SRCIN1: variants seen among roughly 807,000 people sequenced by gnomAD.
The protein encoded by SRCIN1 is SRC kinase signaling inhibitor 1, also known as P130Cas-associated protein.
In SRCIN1, 50 loss-of-function variants were observed where a neutral mutation model predicts 116.2. The observed-to-expected ratio is 0.43, with a 90% CI of 0.34 to 0.54. The LOEUF is 0.54. SRCIN1 is among the 20% of genes least tolerant of loss of function. The pLI is 0.02. For synonymous variants in SRCIN1, 736 were observed against 750.0 expected (o/e 0.98, Z 0.30); for missense variants, 1,446 against 1,672.0 (o/e 0.86, Z 2.36).
At chr17:38,533,535 A>G in intron 18 of SRCIN1, 104 bp from the exon 19 acceptor site, 1 of 970,962 alleles carries the variant, frequency 1.0e-6, no homozygotes, top group East Asian at 3.1e-5. Context: ...AAATCCAAGG[A>G]AATTAACTGC....
intron 18 of SRCIN1, among the ~76,000 whole-genome samples, chr17:38,538,374 G>A (rs1177210369): frequency 2.1e-5 from 3 of 142,086 alleles, no homozygotes; most frequent in Non-Finnish European, 4.5e-5. Context: ...CCAAAGTTGC[G>A]CCACTGCACT....
Position 38,562,970 on chromosome 17 carries a change from CAAT to C in SRCIN1, c.741-53_741-51del, listed in dbSNP as rs1267271509. On this transcript the variant is annotated intron_variant, in intron 5 of 18. Transcript: ENST00000617146. This position sits in a 1 kb window ranked among gnomAD's most constrained non-coding sequence, Gnocchi z 4.2. The stretch of plus-strand genomic sequence containing the variant: ...TCACCACCCATCCCCCAGCTGTGCA[CAAT>C]GAGAAGGGATGGCTACTCCAGGCCT... 6.8e-7 allele frequency: 1 copy of C among 1,464,176 alleles called. No homozygotes were observed. The highest frequency in any genetic ancestry group is 9.5e-7 in the Non-Finnish European group (1 of 1,052,852). 90.7% of individuals were successfully genotyped at this position (1,464,176 alleles called of 1,614,324 possible). A position where few individuals can be genotyped will look rare whatever the true frequency, so the allele number is the denominator to read the frequency against.
At chr17:38,593,162 T>C (rs567425138) in intron 1 of SRCIN1, among the ~76,000 whole-genome samples, 82 of 152,132 alleles carry the variant, frequency 5.4e-4, no homozygotes, top group African/African-American at 1.9e-3. Context: ...GAGGCGGTTG[T>C]TGGGGAAGGG....
chr17:38,597,683 T>A (rs954077769), intron 1 of SRCIN1, among the ~76,000 whole-genome samples: 1 of 152,176 alleles, frequency 6.6e-6, no homozygotes, highest in African/African-American at 2.4e-5. Flanking sequence ...CTGTAGACCC[T>A]AAGCTCTTGA....
rs1291469037 is a variant in SRCIN1 at position 38,549,094 on chromosome 17, C to A, written c.3079G>T (p.Val1027Leu). ...HGLTTTRTGE[V>L]VVTSKKDSAF... ...GAGTCCTTCTTGCTGGTGACCACCA[C>A]CTCTCCGGTACGTGTGGTGGTCAGG... Residue 1027 changes from valine (V) to leucine (L), a missense_variant, in exon 16 of 19, where the codon GTG becomes TTG. By Grantham distance (32) the Val-to-Leu change is conservative. Coordinates refer to ENST00000617146, the MANE Select transcript of SRCIN1 (RefSeq NM_025248.3). 1 of 1,612,830 alleles carries A rather than the reference C, an allele frequency of 6.2e-7. No individual in the cohort carries two copies. The highest frequency in any genetic ancestry group is 8.5e-7 in the Non-Finnish European group (1 of 1,179,692).
At chr17:38,579,584 C>A (rs1313148788) in intron 1 of SRCIN1, among the ~76,000 whole-genome samples, 2 of 152,192 alleles carry the variant, frequency 1.3e-5, no homozygotes, top group Non-Finnish European at 2.9e-5. Context: ...GCTTTCCCCC[C>A]ACCTCTCCCC....
intron 15 of SRCIN1, among the ~76,000 whole-genome samples, chr17:38,550,887 G>A (rs978972345): frequency 3.9e-4 from 59 of 152,240 alleles, no homozygotes; most frequent in African/African-American, 1.4e-3. Flanking sequence ...CCGTGGAGGC[G>A]GATGACTCTG....
At chr17:38,596,236 G>A (rs972037009) in intron 1 of SRCIN1, among the ~76,000 whole-genome samples, 8 of 152,198 alleles carry the variant, frequency 5.3e-5, no homozygotes, top group African/African-American at 1.9e-4. Flanking sequence ...CTCCCAAAGT[G>A]GGCTAGGTCA....
In SRCIN1 at chr17:38,589,688, G is replaced by C. The variant is rs992369868; in HGVS notation, c.23-10897C>G. Among the ~76,000 whole-genome samples, 21 of 152,192 alleles carry C rather than the reference G, an allele frequency of 1.4e-4. 1 individual carries two copies. Among genetic ancestry groups the C allele is most frequent in the Admixed American group, 1.3e-3 (20 of 15,280 alleles). ...GCTCAGCGCCTCCACCAGGGCGAGG[G>C]GGCCGGAGAGCCTCTGCCCAGCTTC... On this transcript the variant is annotated intron_variant, in intron 1 of 18. Coordinates refer to ENST00000617146, the MANE Select transcript of SRCIN1 (RefSeq NM_025248.3).
At chr17:38,584,940 C>T (rs578144759) in intron 1 of SRCIN1, among the ~76,000 whole-genome samples, 1 of 152,278 alleles carries the variant, frequency 6.6e-6, no homozygotes, top group South Asian at 2.1e-4. Flanking sequence ...GAAGAGAACT[C>T]TCTGGGGCCC....
intron 2 of SRCIN1, among the ~76,000 whole-genome samples, chr17:38,571,423 C>CCTGGG (rs1907069255): frequency 6.6e-6 from 1 of 152,220 alleles, no homozygotes; most frequent in Non-Finnish European, 1.5e-5. Flanking sequence ...CTCCCTCCAT[C>CCTGGG]TCCTGGCACC....
chr17:38,540,325 T>G (rs1904646998), intron 18 of SRCIN1, among the ~76,000 whole-genome samples: 1 of 152,188 alleles, frequency 6.6e-6, no homozygotes, highest in South Asian at 2.1e-4. Flanking sequence ...TCCCAGCACT[T>G]CTAGTCCCCT....
chr17:38,553,534 T>G (rs1235122354), intron 11 of SRCIN1, among the ~76,000 whole-genome samples: 6 of 152,212 alleles, frequency 3.9e-5, no homozygotes, highest in Non-Finnish European at 1.5e-5. Context: ...GTCTCTTGTC[T>G]CGGGGGAAAC....
chr17:38,570,756 G>T (rs957194468), intron 2 of SRCIN1, among the ~76,000 whole-genome samples: 1 of 152,234 alleles, frequency 6.6e-6, no homozygotes, highest in Non-Finnish European at 1.5e-5. Context: ...ACATCCATGG[G>T]GCAGTCACCT....
chr17:38,606,046 CGGGGCGGCG>C (rs1194128939), upstream of SRCIN1: 7 of 122,676 alleles, frequency 5.7e-5, no homozygotes, highest in African/African-American at 2.1e-4. This position sits in a 1 kb window ranked among gnomAD's most constrained non-coding sequence, Gnocchi z 5.2. Context: ...AAGGGCCGCC[CGGGGCGGCG>C]GGGGCGGGGG....
intron 1 of SRCIN1, among the ~76,000 whole-genome samples, chr17:38,592,457 A>C (rs79251996): frequency 0.97 from 148,391 of 152,286 alleles, 72,317 homozygotes; most frequent in East Asian, 1. Context: ...AAAGCAGGTG[A>C]CATGTGTCCC....
chr17:38,562,010 C>A lies in SRCIN1; in HGVS notation c.1153G>T (p.Gly385Cys). The A allele has an allele frequency of 6.7e-7, 1 of 1,494,064 alleles. No homozygotes were observed. Among genetic ancestry groups the A allele is most frequent in the Middle Eastern group, 2.0e-4 (1 of 4,920 alleles). The allele number at this position is 1,494,064 out of a possible 1,614,324, so 92.6% of individuals were successfully genotyped here. The change falls in exon 7 of 19, where the codon GGC becomes TGC. Residue 385 changes from glycine (G) to cysteine (C), a missense_variant. This residue lies in a region of SRCIN1 where 239 missense variants were observed against 317.7 expected (regional missense o/e 0.75). Coordinates refer to ENST00000617146, the MANE Select transcript of SRCIN1 (RefSeq NM_025248.3). This position sits in a 1 kb window ranked among gnomAD's most constrained non-coding sequence, Gnocchi z 4.2. ...KPDEDLASKAGGMVLVKGEGL... is the reference protein window; with the variant it reads ...KPDEDLASKACGMVLVKGEGL... Reference sequence around the variant, plus strand: ...TCGCCTTTCACCAGCACCATGCCGCCCGCCTTGCTCGCCAGGTCCTCGTCC... The same window carrying A: ...TCGCCTTTCACCAGCACCATGCCGCACGCCTTGCTCGCCAGGTCCTCGTCC...
chr17:38,578,139 A>G (rs1907530021), intron 2 of SRCIN1, among the ~76,000 whole-genome samples: 1 of 152,198 alleles, frequency 6.6e-6, no homozygotes, highest in Non-Finnish European at 1.5e-5. Context: ...GCACAGAACA[A>G]CAGTCCCCAA....
rs900840953 is a variant in SRCIN1, at chr17:38,562,734, T to C, written c.834+93A>G. On this transcript the variant is annotated intron_variant, in intron 6 of 18. Transcript: ENST00000617146. The surrounding 1 kb of genome is among the most constrained non-coding windows in gnomAD (Gnocchi z 4.2). ...GCCCCTATGCTGTCTTCTCCAAAGC[T>C]GGCCCTGGTTCCAGATGACAACTGC... is the stretch of plus-strand genomic sequence containing the variant. The C allele has an allele frequency of 1.1e-5, 12 of 1,117,174 alleles. 1 individual carries two copies. In the South Asian group the frequency reaches 1.4e-4, roughly 13 times the overall value. 69.2% of individuals were successfully genotyped at this position (1,117,174 alleles called of 1,614,324 possible).
Sources: allele counts gnomAD v4.1 joint callset (sites outside exome capture counted in the v4.1 genomes callset), GRCh38; gene constraint gnomAD v4.1.1; regional missense constraint gnomAD v4.1.1; non-coding constraint Gnocchi (gnomAD v3.1); transcripts MANE v1.5; gene names NCBI Gene and HGNC (gene_info 2026-07-23, HGNC 2026-07-21).